ATP5F1C: variants seen among roughly 807,000 people sequenced by gnomAD.
ATP5F1C encodes the protein ATP synthase F1 subunit gamma.
In ATP5F1C, 22 loss-of-function variants were observed where a neutral mutation model predicts 37.4. The ratio of observed to expected loss-of-function variants is 0.59; its 90% CI spans 0.42 to 0.84. The LOEUF (loss-of-function observed/expected upper bound fraction) is 0.84. ATP5F1C is among the 40% of genes least tolerant of loss of function. ATP5F1C has a pLI of 0.00. For missense variants in ATP5F1C, 286 were observed against 362.4 expected (o/e 0.79, Z 1.71); for synonymous variants, 121 against 128.0 (o/e 0.95, Z 0.37).
intron 3 of ATP5F1C, among the ~76,000 whole-genome samples, chr10:7,798,000 T>C (rs1052229068): frequency 7.9e-5 from 12 of 152,206 alleles, no homozygotes; most frequent in Non-Finnish European, 1.8e-4. Flanking sequence ...AAGTTTCTAT[T>C]TTAACTTGTA....
At chr10:7,789,275 A>C (rs1836116170) in intron 1 of ATP5F1C, among the ~76,000 whole-genome samples, 1 of 152,174 alleles carries the variant, frequency 6.6e-6, no homozygotes, top group South Asian at 2.1e-4. Context: ...ACAGTGCTAA[A>C]CTAGATTTTC....
chr10:7,802,234 T>C, intron 6 of ATP5F1C, 36 bp from the exon 7 acceptor site: 1 of 1,570,576 alleles, frequency 6.4e-7, no homozygotes, highest in African/African-American at 1.4e-5. Context: ...ATTCCTTCCA[T>C]ATAACTTGAA....
chr10:7,800,538 A>G (rs1836342340), intron 6 of ATP5F1C, among the ~76,000 whole-genome samples: 1 of 144,022 alleles, frequency 6.9e-6, no homozygotes, highest in African/African-American at 2.6e-5. Flanking sequence ...TGTGTCACCC[A>G]GGCTGAAGTG....
intron 8 of ATP5F1C, among the ~76,000 whole-genome samples, chr10:7,804,957 C>G (rs1836444984): frequency 6.6e-6 from 1 of 152,204 alleles, no homozygotes; most frequent in Admixed American, 6.5e-5. Flanking sequence ...ACAACTAGAA[C>G]TTTTTGAGCC....
At chr10:7,805,382 C>T (rs985456097) in intron 8 of ATP5F1C, among the ~76,000 whole-genome samples, 3 of 152,052 alleles carry the variant, frequency 2.0e-5, no homozygotes, top group African/African-American at 7.2e-5. Context: ...TCTTGACAAA[C>T]GAATGTTAGG....
At chr10:7,797,285 C>T in intron 3 of ATP5F1C, 107 bp downstream of exon 3, 1 of 1,407,478 alleles carries the variant, frequency 7.1e-7, no homozygotes, top group Non-Finnish European at 9.7e-7. Flanking sequence ...TATCTGAGCA[C>T]TTGCCATGTA....
At chr10:7,799,329 CA>C (rs1836306097) in intron 4 of ATP5F1C, 135 bp downstream of exon 4, 2 of 740,978 alleles carry the variant, frequency 2.7e-6, no homozygotes, top group Non-Finnish European at 4.4e-6. Context: ...GGTATATTCA[CA>C]AGGGGGTGTT....
intron 1 of ATP5F1C, among the ~76,000 whole-genome samples, chr10:7,792,392 G>T (rs562006705): frequency 6.6e-6 from 1 of 152,008 alleles, no homozygotes; most frequent in Non-Finnish European, 1.5e-5. Flanking sequence ...TCTTCAAACC[G>T]CAAAAAACAA....
intron 1 of ATP5F1C, among the ~76,000 whole-genome samples, 178 bp from the exon 2 acceptor site, chr10:7,795,943 G>A (rs550745565): frequency 5.9e-5 from 9 of 152,222 alleles, no homozygotes; most frequent in Admixed American, 5.2e-4. Context: ...ACAGGGATTT[G>A]CGCCACTACT....
In ATP5F1C at chr10:7,806,961, A is replaced by T. The variant is rs754135308; in HGVS notation, c.891-13A>T. The stretch of plus-strand genomic sequence containing the variant: ...GTTTTGTGTTTGTCTTTTTCTTCTA[A>T]TATAATAACCAGGGATTAATGAAAA... On this transcript the variant is annotated splice_polypyrimidine_tract_variant and intron_variant, in intron 8 of 9. Coordinates refer to ENST00000356708, the MANE Select transcript of ATP5F1C (RefSeq NM_001001973.3). The T allele has an allele frequency of 6.8e-6, 11 of 1,608,378 alleles. No individual in the cohort carries two copies. The highest frequency in any genetic ancestry group is 2.6e-6 in the Non-Finnish European group (3 of 1,175,104).
chr10:7,791,741 A>G (rs955581968), intron 1 of ATP5F1C, among the ~76,000 whole-genome samples: 5 of 152,266 alleles, frequency 3.3e-5, no homozygotes, highest in African/African-American at 9.6e-5. Context: ...AAGAGAGTTC[A>G]ATTAGCTCAT....
intron 3 of ATP5F1C, among the ~76,000 whole-genome samples, chr10:7,797,667 C>T (rs1836266128): frequency 6.6e-6 from 1 of 152,062 alleles, no homozygotes; most frequent in Non-Finnish European, 1.5e-5. Context: ...GGGTGAGGGG[C>T]AGTGCAGTGG....
At chr10:7,792,719 G>A (rs192412043) in intron 1 of ATP5F1C, among the ~76,000 whole-genome samples, 5 of 152,292 alleles carry the variant, frequency 3.3e-5, no homozygotes, top group African/African-American at 9.6e-5. Context: ...ATAGTCCATT[G>A]TATGGATGTA....
chr10:7,803,058 G>T (rs548504167), intron 8 of ATP5F1C, among the ~76,000 whole-genome samples: 1 of 149,792 alleles, frequency 6.7e-6, no homozygotes, highest in African/African-American at 2.5e-5. Context: ...GGAAACACTC[G>T]GGCTTAGTTT....
At chr10:7,797,265 A>T in intron 3 of ATP5F1C, 87 bp downstream of exon 3, 1 of 1,520,740 alleles carries the variant, frequency 6.6e-7, no homozygotes, top group Non-Finnish European at 8.9e-7. Flanking sequence ...GCTTACAGTG[A>T]TGTCAAGCCT....
intron 1 of ATP5F1C, among the ~76,000 whole-genome samples, chr10:7,789,441 G>T (rs997577547): frequency 7.0e-6 from 1 of 142,908 alleles, no homozygotes; most frequent in East Asian, 2.0e-4. Context: ...TTGGAAGTCA[G>T]ATTTTTTTTT....
rs146341626 is a variant in ATP5F1C at position 7,803,730 on chromosome 10, G to A, written c.890+876G>A. 3.1e-3 allele frequency among the ~76,000 whole-genome samples: 477 copies of A among 152,276 alleles called. 2 individuals are homozygous for A. Among genetic ancestry groups the A allele is most frequent in the Admixed American group, 5.4e-3 (83 of 15,294 alleles). ...GTACAGTGCTAGACACAGTGTTAAG[G>A]ATGTGATTCTCTCTTTTAAGGCACT... On this transcript the variant is annotated intron_variant, in intron 8 of 9. Coordinates refer to ENST00000356708, the MANE Select transcript of ATP5F1C (RefSeq NM_001001973.3).
chr10:7,798,958 TA>T (rs565377667), intron 3 of ATP5F1C, 31 bp from the exon 4 acceptor site: 11 of 1,586,880 alleles, frequency 6.9e-6, no homozygotes, highest in Middle Eastern at 2.3e-4. Flanking sequence ...GTATTGCATA[TA>T]AAAAAATTAC....
At chr10:7,796,251 T>C (rs1281613898) in intron 2 of ATP5F1C, 96 bp downstream of exon 2, 19 of 1,105,938 alleles carry the variant, frequency 1.7e-5, no homozygotes, top group Non-Finnish European at 5.1e-6. Flanking sequence ...GCCCATTGTG[T>C]ATTTGATCAA....
Sources: allele counts gnomAD v4.1 joint callset (sites outside exome capture counted in the v4.1 genomes callset), GRCh38; gene constraint gnomAD v4.1.1; transcripts MANE v1.5; gene names NCBI Gene and HGNC (gene_info 2026-07-23, HGNC 2026-07-21).